The following DUSP28 variants were observed in gnomAD, a reference collection of about 807,000 sequenced individuals.
The protein encoded by DUSP28 is dual specificity phosphatase 28.
A neutral mutation model predicts 8.4 loss-of-function variants in DUSP28; 11 were observed. The ratio of observed to expected loss-of-function variants is 1.31; its 90% CI spans 0.83 to 2.17. The LOEUF is 2.17. Ranked by LOEUF, DUSP28 falls within the 30% of genes most tolerant of loss-of-function variation. The pLI, the probability that DUSP28 is intolerant of heterozygous loss-of-function variation, is 0.00. For missense variants in DUSP28, 373 were observed against 270.4 expected, an observed-to-expected ratio of 1.38 and a Z score of -2.66; for synonymous variants, 178 against 130.9, an observed-to-expected ratio of 1.36 and a Z score of -2.46.
chr2:240,561,072 TTCCAGGTGGGCGGGCC>T lies in DUSP28; in HGVS notation c.390_393+12del, dbSNP rs1387633814. ...CCGCGGCCTCAGCCTGGCGAAGGCC[TTCCAGGTGGGCGGGCC>T]TTTAGGGGGGCGGTGTTTCGAGAGG... On this transcript the variant is annotated splice_donor_variant and splice_donor_5th_base_variant and coding_sequence_variant and intron_variant, in exon 1 of 2. Coordinates refer to ENST00000405954, the MANE Select transcript of DUSP28 (RefSeq NM_001370465.2). LOFTEE classifies it high-confidence loss of function. The T allele has an allele frequency of 8.1e-6, 12 of 1,486,836 alleles. No individual in the cohort carries two copies. Among genetic ancestry groups the T allele is most frequent in the Non-Finnish European group, 9.7e-6 (11 of 1,128,282 alleles). The allele number at this position is 1,486,836 out of a possible 1,614,324, so 92.1% of individuals were successfully genotyped here.
chr2:240,563,007 A>ATTCCATACTTTTTATTCC lies in DUSP28; in HGVS notation c.*1540_*1541insTTCCATACTTTTTATTCC, dbSNP rs1435070327. The ATTCCATACTTTTTATTCC allele has an allele frequency of 6.5e-6, 1 of 153,538 alleles. No individual in the cohort carries two copies. The highest frequency in any genetic ancestry group is 2.4e-5 in the African/African-American group (1 of 41,488). 9.5% of individuals were successfully genotyped at this position (153,538 alleles called of 1,614,324 possible). On this transcript the variant is annotated 3_prime_UTR_variant, in exon 2 of 2. Coordinates refer to ENST00000405954, the MANE Select transcript of DUSP28 (RefSeq NM_001370465.2). ...AGCTGGAATCCTCTTTCAGGTACCA[A>ATTCCATACTTTTTATTCC]ATGTCACCATACTTTTTATTCCATA...
At position 240,564,724 on chromosome 2, in the gene DUSP28, C is replaced by A. The variant is rs1476548043; in HGVS notation, c.*3257C>A. ...TGGAGCTGCCAGCAGAGCCTCCTGC[C>A]CACCAGCTGCTGAAGCCACAGTACA... On this transcript the variant is annotated 3_prime_UTR_variant, in exon 2 of 2. Transcript: ENST00000405954. 6.6e-6 allele frequency among the ~76,000 whole-genome samples: 1 copy of A among 152,190 alleles called. No individual in the cohort carries two copies. The highest frequency in any genetic ancestry group is 2.4e-5 in the African/African-American group (1 of 41,446).
Position 240,560,714 on chromosome 2 carries a change from G to A in DUSP28, c.30G>A (p.Gly10=), listed in dbSNP as rs766050002. The A allele has an allele frequency of 5.2e-6, 8 of 1,527,428 alleles. No homozygotes were observed. Among genetic ancestry groups the A allele is most frequent in the Middle Eastern group, 1.8e-4 (1 of 5,612 alleles). 94.6% of individuals were successfully genotyped at this position (1,527,428 alleles called of 1,614,324 possible). A position where few individuals can be genotyped will look rare whatever the true frequency, so the allele number is the denominator to read the frequency against. The change falls in exon 1 of 2, where the codon GGG becomes GGA. Residue 10 remains glycine (G), a synonymous_variant. Coordinates refer to ENST00000405954, the MANE Select transcript of DUSP28 (RefSeq NM_001370465.2). MGPAEAGRR[G]AASPVPPPLV... Reference sequence around the variant, plus strand: ...GACCGGCAGAAGCTGGGCGCCGCGGGGCCGCCTCGCCCGTACCTCCACCGT... The same window carrying A: ...GACCGGCAGAAGCTGGGCGCCGCGGAGCCGCCTCGCCCGTACCTCCACCGT...
At position 240,560,632 on chromosome 2, in the gene DUSP28, G is replaced by A; in HGVS notation, c.-53G>A. 1 of 1,425,578 alleles carries A rather than the reference G, an allele frequency of 7.0e-7. No homozygotes were observed. Among genetic ancestry groups the A allele is most frequent in the East Asian group, 2.8e-5 (1 of 35,386 alleles). The allele number at this position is 1,425,578 out of a possible 1,614,324, so 88.3% of individuals were successfully genotyped here. A position where few individuals can be genotyped will look rare whatever the true frequency, so the allele number is the denominator to read the frequency against. On this transcript the variant is annotated 5_prime_UTR_variant, in exon 1 of 2. The change abolishes the stop of an existing upstream ORF in the 5' untranslated region. Coordinates refer to ENST00000405954, the MANE Select transcript of DUSP28 (RefSeq NM_001370465.2). ...CAAATAGACTCCTGGGCGGGCGCCT[G>A]AGCCCCCAAAATAGATCCTCAGGGC...
Position 240,561,756 on chromosome 2 carries a change from A to G in DUSP28, c.*289A>G, listed in dbSNP as rs1392222107. The G allele has an allele frequency of 5.2e-6, 2 of 381,156 alleles. No individual in the cohort carries two copies. Among genetic ancestry groups the G allele is most frequent in the African/African-American group, 2.1e-5 (1 of 48,006 alleles). The allele number at this position is 381,156 out of a possible 1,614,324, so 23.6% of individuals were successfully genotyped here. On this transcript the variant is annotated 3_prime_UTR_variant, in exon 2 of 2. Coordinates refer to ENST00000405954, the MANE Select transcript of DUSP28 (RefSeq NM_001370465.2). ...GTGTTTGGGGGTGCCGGCGCATTCT[A>G]CCAGTCTCAGGGAAGGACATGAGTA...
rs1259192541 is a variant in DUSP28 at position 240,561,044 on chromosome 2, G to A, written c.360G>A (p.Arg120=). 3.3e-6 allele frequency: 5 copies of A among 1,517,084 alleles called. No individual in the cohort carries two copies. The highest frequency in any genetic ancestry group is 2.2e-5 in the Admixed American group (1 of 45,808). 94.0% of individuals were successfully genotyped at this position (1,517,084 alleles called of 1,614,324 possible). Residue 120 remains arginine (R), a synonymous_variant, in exon 1 of 2, where the codon CGG becomes CGA. Coordinates refer to ENST00000405954, the MANE Select transcript of DUSP28 (RefSeq NM_001370465.2). The part of the protein sequence containing the change: ...SAAVCTAYLM[R]HRGLSLAKAF... ...CCGTCTGCACCGCGTACCTCATGCG[G>A]CACCGCGGCCTCAGCCTGGCGAAGG...
rs764065634 is a variant in DUSP28 at position 240,560,654 on chromosome 2, G to A, written c.-31G>A. 1.4e-6 allele frequency: 2 copies of A among 1,478,900 alleles called. No individual in the cohort carries two copies. The highest frequency in any genetic ancestry group is 5.5e-5 in the East Asian group (2 of 36,596). 91.6% of individuals were successfully genotyped at this position (1,478,900 alleles called of 1,614,324 possible). A position where few individuals can be genotyped will look rare whatever the true frequency, so the allele number is the denominator to read the frequency against. ...CCTGAGCCCCCAAAATAGATCCTCA[G>A]GGCCCAAAAGCAGACTCTTCGGCGG... On this transcript the variant is annotated 5_prime_UTR_variant, in exon 1 of 2. Transcript: ENST00000405954.
rs181645561 is a variant in DUSP28 at position 240,563,326 on chromosome 2, T to A, written c.*1859T>A. ...ATGCCATTCTCGTCCTTCAGCCTCC[T>A]GAGTGGCTGGGATTACAGGCGCCCG... On this transcript the variant is annotated 3_prime_UTR_variant, in exon 2 of 2. Coordinates refer to ENST00000405954, the MANE Select transcript of DUSP28 (RefSeq NM_001370465.2). The A allele has an allele frequency of 6.6e-6, 1 of 152,274 alleles. No individual in the cohort carries two copies. The highest frequency in any genetic ancestry group is 1.5e-5 in the Non-Finnish European group (1 of 68,064). 9.4% of individuals were successfully genotyped at this position (152,274 alleles called of 1,614,324 possible).
At position 240,562,473 on chromosome 2, in the gene DUSP28, G is replaced by T. The variant is rs1451615113; in HGVS notation, c.*1006G>T. 1 of 152,232 alleles carries T rather than the reference G, an allele frequency of 6.6e-6. No individual in the cohort carries two copies. Among genetic ancestry groups the T allele is most frequent in the Admixed American group, 6.5e-5 (1 of 15,286 alleles). 9.4% of individuals were successfully genotyped at this position (152,232 alleles called of 1,614,324 possible). The stretch of plus-strand genomic sequence containing the variant: ...ATGGCTTCTACGGTGACAGAGTATG[G>T]TGTTCCTGTAGGGAAACAAAGCCAA... On this transcript the variant is annotated 3_prime_UTR_variant, in exon 2 of 2. Coordinates refer to ENST00000405954, the MANE Select transcript of DUSP28 (RefSeq NM_001370465.2).
rs553554660 is a variant in DUSP28 at position 240,560,769 on chromosome 2, G to A, written c.85G>A (p.Gly29Arg). 1 of 1,467,188 alleles carries A rather than the reference G, an allele frequency of 6.8e-7. No homozygotes were observed. Among genetic ancestry groups the A allele is most frequent in the Non-Finnish European group, 8.9e-7 (1 of 1,119,300 alleles). The allele number at this position is 1,467,188 out of a possible 1,614,324, so 90.9% of individuals were successfully genotyped here. The change falls in exon 1 of 2, where the codon GGG becomes AGG. Residue 29 changes from glycine (G) to arginine (R), a missense_variant. By Grantham distance (125) the Gly-to-Arg change is moderately radical (BLOSUM62 -2). Coordinates refer to ENST00000405954, the MANE Select transcript of DUSP28 (RefSeq NM_001370465.2). Reference protein sequence around the residue: ...LVRVAPSLFLGSARAAGAEEQ... With the variant: ...LVRVAPSLFLRSARAAGAEEQ... The stretch of plus-strand genomic sequence containing the variant: ...GCGCGTCGCGCCCTCACTCTTCCTC[G>A]GGAGCGCGCGAGCCGCGGGCGCGGA...
Position 240,560,693 on chromosome 2 carries a change from G to C in DUSP28, c.9G>C (p.Pro3=). 1.3e-6 allele frequency: 2 copies of C among 1,526,032 alleles called. No individual in the cohort carries two copies. Among genetic ancestry groups the C allele is most frequent in the Non-Finnish European group, 1.7e-6 (2 of 1,148,670 alleles). 94.5% of individuals were successfully genotyped at this position (1,526,032 alleles called of 1,614,324 possible). A position where few individuals can be genotyped will look rare whatever the true frequency, so the allele number is the denominator to read the frequency against. The change falls in exon 1 of 2, where the codon CCG becomes CCC. Residue 3 remains proline, a synonymous_variant. Transcript: ENST00000405954. MG[P]AEAGRRGAAS... is the part of the protein sequence containing the mutation. ...ACTCTTCGGCGGGCGCCATGGGACCGGCAGAAGCTGGGCGCCGCGGGGCCG... is the reference window on the plus strand; with the variant it reads ...ACTCTTCGGCGGGCGCCATGGGACCCGCAGAAGCTGGGCGCCGCGGGGCCG...
rs750196338 is a variant in DUSP28, at chr2:240,560,708, C to G, written c.24C>G (p.Arg8=). MGPAEAG[R]RGAASPVPPP... ...CCATGGGACCGGCAGAAGCTGGGCG[C>G]CGCGGGGCCGCCTCGCCCGTACCTC... Residue 8 remains arginine (R), a synonymous_variant, in exon 1 of 2, where the codon CGC becomes CGG. Coordinates refer to ENST00000405954, the MANE Select transcript of DUSP28 (RefSeq NM_001370465.2). The G allele has an allele frequency of 6.5e-7, 1 of 1,528,162 alleles. No individual in the cohort carries two copies. Among genetic ancestry groups the G allele is most frequent in the East Asian group, 2.7e-5 (1 of 36,988 alleles). The allele number at this position is 1,528,162 out of a possible 1,614,324, so 94.7% of individuals were successfully genotyped here.
At position 240,560,863 on chromosome 2, in the gene DUSP28, C is replaced by G; in HGVS notation, c.179C>G (p.Ala60Gly). 1 of 1,358,100 alleles carries G rather than the reference C, an allele frequency of 7.4e-7. No individual in the cohort carries two copies. The highest frequency in any genetic ancestry group is 1.6e-5 in the South Asian group (1 of 62,952). 84.1% of individuals were successfully genotyped at this position (1,358,100 alleles called of 1,614,324 possible). ...NVSRQQPGPR[A>G]PGVAELRVPV... ...TCCCGCCAGCAGCCCGGCCCGCGCG[C>G]GCCCGGCGTGGCAGAGCTGCGCGTG... Residue 60 changes from alanine (A) to glycine (G), a missense_variant, in exon 1 of 2, where the codon GCG becomes GGG. Transcript: ENST00000405954.
Position 240,564,648 on chromosome 2 carries a change from G to A in DUSP28, c.*3181G>A, listed in dbSNP as rs2092996762. 1.3e-5 allele frequency among the ~76,000 whole-genome samples: 2 copies of A among 151,990 alleles called. No homozygotes were observed. On this transcript the variant is annotated 3_prime_UTR_variant, in exon 2 of 2. Transcript: ENST00000405954. ...AGAGGAGACATAGGGGAGTCACAGG[G>A]ACCTGCCACCCAGATCCCCACTGCC...
Position 240,561,315 on chromosome 2 carries a change from A to G in DUSP28, c.394-15A>G, listed in dbSNP as rs201416350. 4 of 1,613,682 alleles carry G rather than the reference A, an allele frequency of 2.5e-6. No homozygotes were observed. Among genetic ancestry groups the G allele is most frequent in the South Asian group, 1.1e-5 (1 of 91,084 alleles). On this transcript the variant is annotated splice_polypyrimidine_tract_variant and intron_variant, in intron 1 of 1. Transcript: ENST00000405954. The stretch of plus-strand genomic sequence containing the variant: ...AGCGCGACTTGGGGTTATTCAGTAC[A>G]CTTCTTGTTTGCAGATGGTGAAGAG...
chr2:240,560,375 C>A lies in DUSP28; in HGVS notation c.-310C>A. 3.8e-6 allele frequency: 1 copy of A among 260,434 alleles called. No homozygotes were observed. Among genetic ancestry groups the A allele is most frequent in the Non-Finnish European group, 7.2e-6 (1 of 139,768 alleles). The allele number at this position is 260,434 out of a possible 1,614,324, so 16.1% of individuals were successfully genotyped here. ...AAGAGCCACAGACGCAAGCCCAGTG[C>A]CACAGGCCGCGGGGGCGGGGAGGAC... On this transcript the variant is annotated 5_prime_UTR_variant, in exon 1 of 2. Transcript: ENST00000405954.
At position 240,564,349 on chromosome 2, in the gene DUSP28, G is replaced by C. The variant is rs140989723; in HGVS notation, c.*2882G>C. On this transcript the variant is annotated 3_prime_UTR_variant, in exon 2 of 2. Transcript: ENST00000405954. ...GGTCCCACGGCACCACGGCCGCCCA[G>C]TGCACTCGCCTCCACACTGAGTTTT... Among the ~76,000 whole-genome samples, 862 of 152,300 alleles carry C rather than the reference G, an allele frequency of 5.7e-3. 9 individuals are homozygous for C. Among genetic ancestry groups the C allele is most frequent in the African/African-American group, 0.02 (813 of 41,568 alleles).
rs2092997309 is a variant in DUSP28, at chr2:240,564,872, C to A, written c.*3405C>A. On this transcript the variant is annotated 3_prime_UTR_variant, in exon 2 of 2. Transcript: ENST00000405954. ...CTGACAGACGGCCTGGTGAGGGAAC[C>A]CGGGAGGCCTCCAGCATCTGCACCC... is the stretch of plus-strand genomic sequence containing the variant. 2.0e-5 allele frequency among the ~76,000 whole-genome samples: 3 copies of A among 152,208 alleles called. No individual in the cohort carries two copies. The highest frequency in any genetic ancestry group is 7.2e-5 in the African/African-American group (3 of 41,454).
chr2:240,561,046 A>G lies in DUSP28; in HGVS notation c.362A>G (p.His121Arg). 1 of 1,512,116 alleles carries G rather than the reference A, an allele frequency of 6.6e-7. No individual in the cohort carries two copies. Among genetic ancestry groups the G allele is most frequent in the South Asian group, 1.2e-5 (1 of 80,268 alleles). 93.7% of individuals were successfully genotyped at this position (1,512,116 alleles called of 1,614,324 possible). A position where few individuals can be genotyped will look rare whatever the true frequency, so the allele number is the denominator to read the frequency against. ...GTCTGCACCGCGTACCTCATGCGGC[A>G]CCGCGGCCTCAGCCTGGCGAAGGCC... ...AAVCTAYLMRHRGLSLAKAFQ... is the reference protein window; with the variant it reads ...AAVCTAYLMRRRGLSLAKAFQ... The change falls in exon 1 of 2, where the codon CAC (histidine) becomes CGC (arginine). Residue 121 changes from histidine (H) to arginine (R), a missense_variant. By Grantham distance (29) the His-to-Arg change is conservative. Coordinates refer to ENST00000405954, the MANE Select transcript of DUSP28 (RefSeq NM_001370465.2).
Sources: allele counts gnomAD v4.1 joint callset (sites outside exome capture counted in the v4.1 genomes callset), GRCh38; gene constraint gnomAD v4.1.1; transcripts MANE v1.5; gene names NCBI Gene and HGNC (gene_info 2026-07-23, HGNC 2026-07-21).